Variants in PRSS35 observed in about 807,000 individuals in gnomAD.
PRSS35 encodes serine protease 35.
Under a neutral mutation model 8.1 loss-of-function variants are expected in PRSS35, and 7 were observed. The ratio of observed to expected loss-of-function variants is 0.86; its 90% CI spans 0.49 to 1.62. The LOEUF (loss-of-function observed/expected upper bound fraction) is 1.62. PRSS35 is among the 40% of genes most tolerant of loss of function. PRSS35 has a pLI of 0.00. For synonymous variants in PRSS35, 199 were observed against 188.7 expected (o/e 1.05, Z -0.45); for missense variants, 566 against 518.0 (o/e 1.09, Z -0.90).
At chr6:83,515,847 G>A (rs1343137437) in intron 1 of PRSS35, among the ~76,000 whole-genome samples, 3 of 150,086 alleles carry the variant, frequency 2.0e-5, no homozygotes, top group Admixed American at 6.7e-5. Flanking sequence ...ACGGAGTCTC[G>A]CTCTGTTGCC....
intron 1 of PRSS35, among the ~76,000 whole-genome samples, chr6:83,521,275 C>T (rs774831962): frequency 2.6e-5 from 4 of 151,704 alleles, no homozygotes; most frequent in African/African-American, 9.7e-5. Flanking sequence ...CAATTTCAAG[C>T]GCTCAGTAGA....
intron 1 of PRSS35, among the ~76,000 whole-genome samples, chr6:83,519,081 C>CTAT (rs1771773684): frequency 3.3e-5 from 5 of 152,128 alleles, no homozygotes; most frequent in Non-Finnish European, 7.4e-5. Flanking sequence ...TTCTAAGAAA[C>CTAT]TATAAACAAA....
intron 1 of PRSS35, among the ~76,000 whole-genome samples, chr6:83,522,637 A>G (rs1425571630): frequency 6.6e-6 from 1 of 152,184 alleles, no homozygotes; most frequent in Non-Finnish European, 1.5e-5. Flanking sequence ...GGCATTTTGT[A>G]TGGAGCTTTG....
Position 83,523,900 on chromosome 6 carries a change from C to A in PRSS35, c.459C>A (p.Gly153=), listed in dbSNP as rs1387201845. Residue 153 remains glycine (G), a synonymous_variant, in exon 2 of 2, where the codon GGC becomes GGA. Transcript: ENST00000369700. ...PFSTAVKLST[G]CSGILISPQH... ...GCACAGCTGTGAAGCTTTCCACGGG[C>A]TGTAGTGGCATTCTCATTTCCCCTC... is the stretch of plus-strand genomic sequence containing the variant. The A allele has an allele frequency of 6.2e-7, 1 of 1,614,146 alleles. No individual in the cohort carries two copies. Among genetic ancestry groups the A allele is most frequent in the Non-Finnish European group, 8.5e-7 (1 of 1,180,024 alleles).
intron 1 of PRSS35, among the ~76,000 whole-genome samples, chr6:83,513,725 T>G (rs1771664746): frequency 6.6e-6 from 1 of 152,060 alleles, no homozygotes; most frequent in Admixed American, 6.5e-5. Context: ...TGTACCCCAT[T>G]TTTCTTCCAG....
intron 1 of PRSS35, among the ~76,000 whole-genome samples, chr6:83,518,487 CTT>C (rs1396974452): frequency 6.6e-6 from 1 of 151,136 alleles, no homozygotes; most frequent in South Asian, 2.1e-4. Flanking sequence ...TTTAATCACA[CTT>C]AAGTTTAATA....
chr6:83,524,810 C>A lies in PRSS35; in HGVS notation c.*127C>A. On this transcript the variant is annotated 3_prime_UTR_variant, in exon 2 of 2. Transcript: ENST00000369700. ...CTGTCAATAGCATTTCAACATTTTT[C>A]AAAATCAGGAGATTTTCGTCCATTT... 2 of 1,063,726 alleles carry A rather than the reference C, an allele frequency of 1.9e-6. No individual in the cohort carries two copies. The highest frequency in any genetic ancestry group is 2.6e-6 in the Non-Finnish European group (2 of 759,240). The allele number at this position is 1,063,726 out of a possible 1,614,324, so 65.9% of individuals were successfully genotyped here.
chr6:83,522,978 A>G (rs535787), intron 1 of PRSS35, among the ~76,000 whole-genome samples: 106,440 of 152,108 alleles, frequency 0.7, 37,452 homozygotes, highest in South Asian at 0.78. Context: ...TATGATCCCT[A>G]TTTTTAAGTA....
chr6:83,521,011 T>C (rs1448801804), intron 1 of PRSS35, among the ~76,000 whole-genome samples: 3 of 152,198 alleles, frequency 2.0e-5, no homozygotes, highest in Non-Finnish European at 4.4e-5. Flanking sequence ...GATGTAATCA[T>C]ATATTAAGTA....
At chr6:83,516,592 A>AG (rs1396505004) in intron 1 of PRSS35, among the ~76,000 whole-genome samples, 2 of 151,540 alleles carry the variant, frequency 1.3e-5, no homozygotes, top group African/African-American at 4.8e-5. Context: ...AAAAAAAAAA[A>AG]AAAGAAATCT....
At chr6:83,513,531 T>C (rs1583456319) in intron 1 of PRSS35, among the ~76,000 whole-genome samples, 1 of 152,342 alleles carries the variant, frequency 6.6e-6, no homozygotes, top group East Asian at 1.9e-4. Context: ...ATAAAAGTCA[T>C]ATTTTGCTGG....
chr6:83,517,349 A>G (rs539113332), intron 1 of PRSS35, among the ~76,000 whole-genome samples: 1 of 151,970 alleles, frequency 6.6e-6, no homozygotes, highest in African/African-American at 2.4e-5. Flanking sequence ...TTTCTCATAC[A>G]CTCTCTAAAT....
At chr6:83,516,515 G>A (rs748041053) in intron 1 of PRSS35, among the ~76,000 whole-genome samples, 1 of 147,984 alleles carries the variant, frequency 6.8e-6, no homozygotes, top group Non-Finnish European at 1.5e-5. Context: ...GGCGGAGCTT[G>A]CAGTGAGCCG....
At position 83,516,301 on chromosome 6, in the gene PRSS35, A is replaced by G. The variant is rs1268711853; in HGVS notation, c.-21+3607A>G. On this transcript the variant is annotated intron_variant, in intron 1 of 1. Transcript: ENST00000369700. ...CAGAAATCTAAAGTTTTGGCTGGGC[A>G]CGGTGGCTCACGCCTGTAATCCCAG... Among the ~76,000 whole-genome samples, 6 of 151,848 alleles carry G rather than the reference A, an allele frequency of 4.0e-5. No homozygotes were observed. In the East Asian group the frequency reaches 1.2e-3, roughly 30 times the overall value.
intron 1 of PRSS35, among the ~76,000 whole-genome samples, chr6:83,516,575 CAAAAAAAA>C (rs70987760): frequency 2.9e-5 from 3 of 101,896 alleles, no homozygotes; most frequent in Admixed American, 1.1e-4. Context: ...GACTGCGTCT[CAAAAAAAA>C]AAAAAAAAAA....
At chr6:83,512,917 A>C (rs911598231) in intron 1 of PRSS35, among the ~76,000 whole-genome samples, 36 of 152,176 alleles carry the variant, frequency 2.4e-4, no homozygotes, top group African/African-American at 8.7e-4. Flanking sequence ...TTTGCATTGG[A>C]ATATAAATGG....
chr6:83,519,890 A>G (rs952159006), intron 1 of PRSS35, among the ~76,000 whole-genome samples: 14 of 152,164 alleles, frequency 9.2e-5, no homozygotes. Context: ...GGCATTACAT[A>G]TAAACCTTAT....
chr6:83,522,797 G>T (rs376095712), intron 1 of PRSS35, among the ~76,000 whole-genome samples: 30 of 151,896 alleles, frequency 2.0e-4, no homozygotes, highest in African/African-American at 7.0e-4. Flanking sequence ...AGATTAATTA[G>T]CAATTTATTT....
intron 1 of PRSS35, among the ~76,000 whole-genome samples, chr6:83,519,494 T>TTTAGACAATGAG (rs148404271): frequency 0.027 from 4,047 of 152,278 alleles, 79 homozygotes; most frequent in East Asian, 0.07. Flanking sequence ...ACTGTGTCTT[T>TTTAGACAATGAG]TTAGATCAAT....
Sources: gnomAD v4.1 joint callset for allele counts (sites outside exome capture counted in the v4.1 genomes callset) on GRCh38, gnomAD v4.1.1 for gene constraint, MANE v1.5 for transcripts, NCBI Gene and HGNC (gene_info 2026-07-23, HGNC 2026-07-21) for gene names.